FAM120A: variants seen among roughly 807,000 people sequenced by gnomAD.
FAM120A encodes family with sequence similarity 120 member A.
FAM120A carries 15 observed loss-of-function variants against 109.7 expected under a neutral mutation model. The observed-to-expected ratio is 0.14, with a 90% CI of 0.09 to 0.21. The LOEUF (loss-of-function observed/expected upper bound fraction) is 0.21. Among genes scored for constraint, FAM120A ranks in the 10% least tolerant of loss-of-function variants. The probability of loss-of-function intolerance (pLI) is 1.00; values close to 1 mark genes in which losing one functional copy is unlikely to be tolerated. For synonymous variants in FAM120A, 493 were observed against 572.8 expected (o/e 0.86, Z 1.99); for missense variants, 899 against 1,439.3 (o/e 0.62, Z 6.07).
intron 3 of FAM120A, among the ~76,000 whole-genome samples, chr9:93,485,397 A>G (rs13295050): frequency 6.6e-6 from 1 of 152,016 alleles, no homozygotes; most frequent in African/African-American, 2.4e-5. Flanking sequence ...GGAGTTCGAG[A>G]CCAGCCTGGG....
chr9:93,491,887 G>A (rs1237756636), intron 3 of FAM120A, among the ~76,000 whole-genome samples: 1 of 152,078 alleles, frequency 6.6e-6, no homozygotes, highest in Non-Finnish European at 1.5e-5. Context: ...GGAAATAAAT[G>A]GGACATAAAT....
chr9:93,534,403 C>A (rs1276975340), intron 10 of FAM120A, among the ~76,000 whole-genome samples: 2 of 151,902 alleles, frequency 1.3e-5, no homozygotes, highest in Non-Finnish European at 2.9e-5. Context: ...TCCTTTTCTT[C>A]CAAAGGAAGA....
intron 11 of FAM120A, 111 bp downstream of exon 11, chr9:93,543,582 A>G (rs1861782935): frequency 4.4e-6 from 6 of 1,365,112 alleles, no homozygotes; most frequent in African/African-American, 4.4e-5. Context: ...CTGATCAATC[A>G]TGTTGAAATT....
chr9:93,506,758 C>T (rs1005836245), intron 5 of FAM120A, among the ~76,000 whole-genome samples: 8 of 152,074 alleles, frequency 5.3e-5, no homozygotes, highest in East Asian at 1.9e-4. Flanking sequence ...CCACCATGCC[C>T]GGCTAATTTT....
In FAM120A at chr9:93,541,425, A is replaced by T. The variant is rs187728745; in HGVS notation, c.1910-1797A>T. On this transcript the variant is annotated intron_variant, in intron 10 of 17. Transcript: ENST00000277165. ...CTGAGCTGTGCTGGAGATCCACAGGATCGGGGTGGGGGCAGTGCCTTAGAT... is the reference window on the plus strand; with the variant it reads ...CTGAGCTGTGCTGGAGATCCACAGGTTCGGGGTGGGGGCAGTGCCTTAGAT... Among the ~76,000 whole-genome samples the T allele has an allele frequency of 2.0e-5, 3 of 152,236 alleles. No homozygotes were observed. The East Asian group carries it at 5.8e-4, about 29-fold the overall frequency.
rs117454033 is a variant in FAM120A, at chr9:93,498,398, A to T, written c.934-392A>T. Among the ~76,000 whole-genome samples, 548 of 152,268 alleles carry T rather than the reference A, an allele frequency of 3.6e-3. 4 individuals are homozygous for T. The highest frequency in any genetic ancestry group is 0.012 in the African/African-American group (512 of 41,550). On this transcript the variant is annotated intron_variant, in intron 4 of 17. Coordinates refer to ENST00000277165, the MANE Select transcript of FAM120A (RefSeq NM_014612.5). The surrounding 1 kb of genome is among the most constrained non-coding windows in gnomAD (Gnocchi z 4.4). ...AAAGAGCGAAACTCCGTCTCAGAAG[A>T]AAAAGAGAGAGCTGAAACCCTGGGC...
intron 10 of FAM120A, among the ~76,000 whole-genome samples, chr9:93,535,266 C>T (rs1861476104): frequency 6.6e-6 from 1 of 152,142 alleles, no homozygotes; most frequent in South Asian, 2.1e-4. Context: ...CTTTTCTGCT[C>T]AAGTGATTTA....
intron 5 of FAM120A, among the ~76,000 whole-genome samples, chr9:93,503,334 A>G (rs1437167017): frequency 6.6e-6 from 1 of 152,214 alleles, no homozygotes; most frequent in African/African-American, 2.4e-5. Context: ...GAGGCTACCA[A>G]TATGTCTTCA....
At chr9:93,506,196 C>T (rs78046549) in intron 5 of FAM120A, among the ~76,000 whole-genome samples, 11,684 of 152,126 alleles carry the variant, frequency 0.077, 579 homozygotes, top group Non-Finnish European at 0.1. Flanking sequence ...TTTTATGATC[C>T]TTGTGGAGAT....
rs753438846 is a variant in FAM120A at position 93,550,602 on chromosome 9, C to T, written c.2185C>T (p.Arg729Cys). Residue 729 changes from arginine (R) to cysteine (C), a missense_variant, in exon 12 of 18, where the codon CGC (arginine) becomes TGC (cysteine). Around this residue, in one of 11 missense-constraint regions of FAM120A, gnomAD observed 133 missense variants for 276.6 expected, o/e 0.48. Coordinates refer to ENST00000277165, the MANE Select transcript of FAM120A (RefSeq NM_014612.5). ...GTACATGGTGCAGTGGCCGGGAGCA[C>T]GCATCCTTCGGCGTCAGGAGCTAGA... The part of the protein sequence containing the change: ...LRYMVQWPGA[R>C]ILRRQELDAF... The T allele has an allele frequency of 5.0e-6, 8 of 1,613,718 alleles. No individual in the cohort carries two copies. The highest frequency in any genetic ancestry group is 2.2e-5 in the East Asian group (1 of 44,892).
chr9:93,520,327 C>T (rs118171833), intron 7 of FAM120A, among the ~76,000 whole-genome samples: 1,640 of 152,196 alleles, frequency 0.011, 13 homozygotes, highest in Non-Finnish European at 0.017. Flanking sequence ...ATGGCCAATG[C>T]GCTCTCTCCT....
intron 1 of FAM120A, among the ~76,000 whole-genome samples, chr9:93,457,358 A>G (rs566904277): frequency 8.6e-5 from 13 of 151,644 alleles, no homozygotes; most frequent in Admixed American, 6.6e-4. Context: ...ATTTTATGTC[A>G]TAAGTTATAT....
chr9:93,558,824 C>T lies in FAM120A; in HGVS notation c.2806+106C>T. 4.6e-6 allele frequency: 6 copies of T among 1,317,858 alleles called. 1 individual carries two copies. Among genetic ancestry groups the T allele is most frequent in the Non-Finnish European group, 6.2e-6 (6 of 963,290 alleles). 81.6% of individuals were successfully genotyped at this position (1,317,858 alleles called of 1,614,324 possible). ...CTGTCCTCATGAGCCCCTCCTCCAG[C>T]AGAACGGCCTTTCTTCTGGGTCCCC... is the stretch of plus-strand genomic sequence containing the variant. On this transcript the variant is annotated intron_variant, in intron 15 of 17. Transcript: ENST00000277165.
intron 3 of FAM120A, among the ~76,000 whole-genome samples, chr9:93,490,896 T>G (rs7048853): frequency 0.24 from 37,125 of 152,148 alleles, 5,890 homozygotes; most frequent in African/African-American, 0.45. Flanking sequence ...GCAGCTTCAG[T>G]GAGGGCTTCC....
intron 3 of FAM120A, among the ~76,000 whole-genome samples, chr9:93,492,178 G>A (rs111731895): frequency 1.4e-4 from 21 of 151,284 alleles, no homozygotes; most frequent in African/African-American, 4.9e-4. Context: ...GTGTGTGTGT[G>A]TGTATATATA....
intron 1 of FAM120A, among the ~76,000 whole-genome samples, chr9:93,458,801 T>TAG (rs2131204708): frequency 6.6e-6 from 1 of 152,290 alleles, no homozygotes; most frequent in East Asian, 1.9e-4. Context: ...CTTGCACAGC[T>TAG]TTGGCAGGGT....
At chr9:93,559,828 G>C (rs1862411779) in intron 15 of FAM120A, among the ~76,000 whole-genome samples, 2 of 152,210 alleles carry the variant, frequency 1.3e-5, no homozygotes, top group Admixed American at 1.3e-4. Context: ...ATGATAAAAG[G>C]AACCTGCTTC....
intron 2 of FAM120A, among the ~76,000 whole-genome samples, chr9:93,472,979 G>A (rs779062872): frequency 3.7e-4 from 57 of 152,054 alleles, no homozygotes; most frequent in Non-Finnish European, 6.2e-4. Context: ...GGGCTGCAGA[G>A]GCTATGCTTT....
At chr9:93,494,065 G>A (rs1035145636) in intron 3 of FAM120A, among the ~76,000 whole-genome samples, 5 of 152,176 alleles carry the variant, frequency 3.3e-5, no homozygotes, top group African/African-American at 7.2e-5. Context: ...GGCAGTAGGC[G>A]TCCTCCTGTG....
Sources: gnomAD v4.1 joint callset for allele counts (sites outside exome capture counted in the v4.1 genomes callset) on GRCh38, gnomAD v4.1.1 for gene constraint, gnomAD v4.1.1 regional missense constraint, Gnocchi (gnomAD v3.1) non-coding constraint, MANE v1.5 for transcripts, NCBI Gene and HGNC (gene_info 2026-07-23, HGNC 2026-07-21) for gene names.